Variants in GCH1 observed in about 807,000 individuals in gnomAD.
The protein encoded by GCH1 is GTP cyclohydrolase I.
A neutral mutation model predicts 25.9 loss-of-function variants in GCH1; 5 were observed. The observed-to-expected ratio is 0.19, with a 90% confidence interval of 0.10 to 0.41. The LOEUF (loss-of-function observed/expected upper bound fraction) is 0.41. GCH1 is among the 10% of genes least tolerant of loss of function. The probability of loss-of-function intolerance (pLI) is 1.00; values close to 1 mark genes in which losing one functional copy is unlikely to be tolerated. For missense variants in GCH1, 261 were observed against 336.5 expected (o/e 0.78, Z 1.75); for synonymous variants, 159 against 129.6 (o/e 1.23, Z -1.54).
chr14:54,883,350 C>T (rs988561412), intron 1 of GCH1, among the ~76,000 whole-genome samples: 3 of 113,360 alleles, frequency 2.6e-5, no homozygotes, highest in Admixed American at 1.3e-4. Context: ...CTAGCCTGGG[C>T]GACAGAGTGA....
At chr14:54,886,988 C>T (rs1228392426) in intron 1 of GCH1, among the ~76,000 whole-genome samples, 2 of 152,284 alleles carry the variant, frequency 1.3e-5, no homozygotes, top group East Asian at 1.9e-4. Flanking sequence ...GAAAGAGTGG[C>T]CTAATGCCCA....
At position 54,843,221 on chromosome 14, in the gene GCH1, T is replaced by G; in HGVS notation, c.*796A>C. On this transcript the variant is annotated 3_prime_UTR_variant, in exon 6 of 6. Coordinates refer to ENST00000491895, the MANE Select transcript of GCH1 (RefSeq NM_000161.3). Reference sequence around the variant, plus strand: ...AACTGAGCTGACTAGTTATTTGCAGTGTGAGTACTAAGTCTCATAAAATAA... The same window carrying G: ...AACTGAGCTGACTAGTTATTTGCAGGGTGAGTACTAAGTCTCATAAAATAA... The G allele has an allele frequency of 1.4e-6, 2 of 1,430,366 alleles. No homozygotes were observed. The highest frequency in any genetic ancestry group is 1.6e-5 in the South Asian group (1 of 61,834). The allele number at this position is 1,430,366 out of a possible 1,614,324, so 88.6% of individuals were successfully genotyped here.
At chr14:54,862,607 TGGTTGG>T (rs140347891) in intron 2 of GCH1, among the ~76,000 whole-genome samples, 3 of 119,440 alleles carry the variant, frequency 2.5e-5, no homozygotes, top group Non-Finnish European at 5.1e-5. Context: ...TTTTTTTTTT[TGGTTGG>T]TTTTTTTTTT....
intron 1 of GCH1, among the ~76,000 whole-genome samples, chr14:54,876,185 ATGTCC>A (rs1418865836): frequency 2.6e-5 from 4 of 152,200 alleles, no homozygotes; most frequent in Non-Finnish European, 5.9e-5. Context: ...TGATGAGTTC[ATGTCC>A]TTTGTAGAGA....
chr14:54,848,042 G>C (rs10150825), intron 3 of GCH1, among the ~76,000 whole-genome samples: 6,174 of 152,070 alleles, frequency 0.041, 469 homozygotes, highest in African/African-American at 0.14. Context: ...TCATAAGATA[G>C]GTTTATGTAA....
At chr14:54,868,325 G>A (rs2040017816) in intron 1 of GCH1, among the ~76,000 whole-genome samples, 1 of 152,094 alleles carries the variant, frequency 6.6e-6, no homozygotes, top group Non-Finnish European at 1.5e-5. Flanking sequence ...GCTAAGGCAG[G>A]AGGATCACTT....
At chr14:54,880,919 G>A (rs2040262662) in intron 1 of GCH1, among the ~76,000 whole-genome samples, 1 of 148,632 alleles carries the variant, frequency 6.7e-6, no homozygotes. Context: ...CCACCTCCCA[G>A]CTTCAAGCGA....
chr14:54,881,376 T>G (rs1369167579), intron 1 of GCH1, among the ~76,000 whole-genome samples: 1 of 152,126 alleles, frequency 6.6e-6, no homozygotes, highest in Non-Finnish European at 1.5e-5. Context: ...GAAGATGGCA[T>G]TAAGATGTTT....
Position 54,885,851 on chromosome 14 carries a change from T to C in GCH1, c.343+16470A>G, listed in dbSNP as rs549207614. 105 of 182,402 alleles carry C rather than the reference T, an allele frequency of 5.8e-4. 1 individual carries two copies. The Middle Eastern group carries it at 7.2e-3, about 12-fold the overall frequency. The allele number at this position is 182,402 out of a possible 1,614,324, so 11.3% of individuals were successfully genotyped here. A position where few individuals can be genotyped will look rare whatever the true frequency, so the allele number is the denominator to read the frequency against. ...TTGCAATGAGCTGAGATTGTGCCAC[T>C]GCACTCCATCCTGGGCGGCAGAGCT... On this transcript the variant is annotated intron_variant, in intron 1 of 5. Transcript: ENST00000491895.
At chr14:54,851,215 A>T (rs868018607) in intron 3 of GCH1, among the ~76,000 whole-genome samples, 28 of 152,360 alleles carry the variant, frequency 1.8e-4, no homozygotes, top group South Asian at 8.3e-4. Flanking sequence ...TTATACAAAA[A>T]TTAATTCCAG....
intron 1 of GCH1, among the ~76,000 whole-genome samples, chr14:54,871,332 C>T (rs552862293): frequency 6.6e-6 from 1 of 152,268 alleles, no homozygotes; most frequent in Middle Eastern, 3.4e-3. Flanking sequence ...GACATCCACA[C>T]CAAAATCCCA....
chr14:54,864,252 GATACA>G (rs2039960439), intron 2 of GCH1, among the ~76,000 whole-genome samples: 1 of 152,074 alleles, frequency 6.6e-6, no homozygotes, highest in African/African-American at 2.4e-5. Context: ...AAAGTGAAAA[GATACA>G]ATACTTTAAC....
Position 54,842,902 on chromosome 14 carries a change from C to T in GCH1, c.*1115G>A. ...ATGAGGACAAGACCCACATAGACCA[C>T]AAAGGAAACCGGGACCAGAAGCTTC... is the stretch of plus-strand genomic sequence containing the variant. On this transcript the variant is annotated 3_prime_UTR_variant, in exon 6 of 6. Transcript: ENST00000491895. The T allele has an allele frequency of 1.7e-6, 1 of 603,578 alleles. No homozygotes were observed. Among genetic ancestry groups the T allele is most frequent in the Non-Finnish European group, 3.0e-6 (1 of 332,832 alleles). The allele number at this position is 603,578 out of a possible 1,614,324, so 37.4% of individuals were successfully genotyped here.
chr14:54,866,717 TA>T (rs1202906641), intron 1 of GCH1, among the ~76,000 whole-genome samples: 1 of 152,020 alleles, frequency 6.6e-6, no homozygotes, highest in African/African-American at 2.4e-5. Context: ...GCTACTAGAA[TA>T]GGGGGCTCAC....
At chr14:54,862,094 T>A (rs560916850) in intron 2 of GCH1, among the ~76,000 whole-genome samples, 4 of 152,188 alleles carry the variant, frequency 2.6e-5, no homozygotes, top group Admixed American at 2.6e-4. Flanking sequence ...AGTGGCATGA[T>A]CATAGTTCAC....
chr14:54,887,338 A>T (rs2040366623), intron 1 of GCH1, among the ~76,000 whole-genome samples: 1 of 152,250 alleles, frequency 6.6e-6, no homozygotes, highest in Non-Finnish European at 1.5e-5. Flanking sequence ...TCCTGCTAAA[A>T]ATGTTTTCCA....
Position 54,892,096 on chromosome 14 carries a change from G to C in GCH1, c.343+10225C>G, listed in dbSNP as rs139948635. ...CTTCTATCTGTGAAACTGTGAAGGA[G>C]GAAAAAAAAATTCATGCTAGTATTG... On this transcript the variant is annotated intron_variant, in intron 1 of 5. Coordinates refer to ENST00000491895, the MANE Select transcript of GCH1 (RefSeq NM_000161.3). Among the ~76,000 whole-genome samples the C allele has an allele frequency of 2.2e-4, 33 of 152,168 alleles. No homozygotes were observed. The East Asian group carries it at 5.8e-3, about 27-fold the overall frequency.
At chr14:54,870,498 T>C (rs374706825) in intron 1 of GCH1, among the ~76,000 whole-genome samples, 108 of 152,242 alleles carry the variant, frequency 7.1e-4, no homozygotes, top group African/African-American at 2.4e-3. Flanking sequence ...TGTCGGACAG[T>C]GGGTGCAGGA....
In GCH1 at chr14:54,891,679, G is replaced by C. The variant is rs116315419; in HGVS notation, c.343+10642C>G. On this transcript the variant is annotated intron_variant, in intron 1 of 5. Coordinates refer to ENST00000491895, the MANE Select transcript of GCH1 (RefSeq NM_000161.3). The stretch of plus-strand genomic sequence containing the variant: ...CCTGCCTCGGCCACCCAAAGTGCTG[G>C]AACTGCAGGCATGAGCCATCGCATC... 5.4e-3 allele frequency among the ~76,000 whole-genome samples: 816 copies of C among 152,254 alleles called. 9 individuals carry two copies. Among genetic ancestry groups the C allele is most frequent in the African/African-American group, 0.019 (777 of 41,530 alleles).
Sources: allele counts gnomAD v4.1 joint callset (sites outside exome capture counted in the v4.1 genomes callset), GRCh38; gene constraint gnomAD v4.1.1; transcripts MANE v1.5; gene names NCBI Gene and HGNC (gene_info 2026-07-23, HGNC 2026-07-21).